SGCG: variants seen among roughly 807,000 people sequenced by gnomAD.
SGCG encodes the protein gamma-sarcoglycan.
A neutral mutation model predicts 29.3 loss-of-function variants in SGCG; 26 were observed. The observed-to-expected ratio is 0.89, with a 90% confidence interval of 0.65 to 1.23. The LOEUF (loss-of-function observed/expected upper bound fraction) is 1.23, where lower values mean the gene tolerates loss of function less well. SGCG is among the 50% of genes most tolerant of loss of function. The probability of loss-of-function intolerance (pLI) is 0.00; values close to 1 mark genes in which losing one functional copy is unlikely to be tolerated. For synonymous variants in SGCG, 145 were observed against 129.7 expected (o/e 1.12, Z -0.80); for missense variants, 353 against 356.0 (o/e 0.99, Z 0.07).
At chr13:23,195,507 T>G (rs1348379290) in intron 1 of SGCG, among the ~76,000 whole-genome samples, 1 of 152,144 alleles carries the variant, frequency 6.6e-6, no homozygotes, top group African/African-American at 2.4e-5. Flanking sequence ...GTTTGTTTGT[T>G]TGTTTTGTTT....
chr13:23,303,906 A>G (rs1882268661), intron 6 of SGCG, among the ~76,000 whole-genome samples: 1 of 141,904 alleles, frequency 7.0e-6, no homozygotes, highest in Admixed American at 7.7e-5. Context: ...TCCTTTCCCC[A>G]TGGCTCCCAA....
At chr13:23,298,609 G>A (rs948806407) in intron 6 of SGCG, among the ~76,000 whole-genome samples, 1 of 152,048 alleles carries the variant, frequency 6.6e-6, no homozygotes, top group Non-Finnish European at 1.5e-5. Flanking sequence ...AATTTTTATA[G>A]AGAAGAAAAA....
intron 1 of SGCG, among the ~76,000 whole-genome samples, chr13:23,187,632 G>A (rs1202846432): frequency 2.6e-5 from 4 of 152,168 alleles, no homozygotes; most frequent in African/African-American, 4.8e-5. Flanking sequence ...CAGGAGAGGT[G>A]CATTAGTGGT....
chr13:23,191,795 C>G (rs1042400370), intron 1 of SGCG, among the ~76,000 whole-genome samples: 9 of 152,104 alleles, frequency 5.9e-5, no homozygotes, highest in African/African-American at 2.2e-4. Context: ...TTTTATATGA[C>G]GTCAAGCCCT....
At chr13:23,294,077 A>G (rs901647055) in intron 5 of SGCG, among the ~76,000 whole-genome samples, 1 of 152,202 alleles carries the variant, frequency 6.6e-6, no homozygotes, top group African/African-American at 2.4e-5. Flanking sequence ...TATTTCCTAA[A>G]GAGGAAAGTG....
intron 4 of SGCG, among the ~76,000 whole-genome samples, chr13:23,266,074 G>A (rs1248101143): frequency 2.6e-5 from 4 of 151,988 alleles, no homozygotes; most frequent in African/African-American, 9.7e-5. Context: ...TCAGGAGTTC[G>A]AGACCAGCCT....
intron 5 of SGCG, among the ~76,000 whole-genome samples, chr13:23,286,504 ATTACAGTTGTT>A (rs879512395): frequency 1.3e-5 from 2 of 152,200 alleles, no homozygotes; most frequent in Non-Finnish European, 2.9e-5. Flanking sequence ...CAATTTAACT[ATTACAGTTGTT>A]CCTCATTATC....
intron 1 of SGCG, among the ~76,000 whole-genome samples, chr13:23,185,255 G>C (rs985397207): frequency 1.3e-5 from 2 of 152,164 alleles, no homozygotes; most frequent in South Asian, 2.1e-4. Flanking sequence ...GCAATGGTGC[G>C]ATCTTGGCTC....
intron 6 of SGCG, among the ~76,000 whole-genome samples, chr13:23,313,445 G>A (rs907011097): frequency 6.6e-6 from 1 of 152,094 alleles, no homozygotes; most frequent in Non-Finnish European, 1.5e-5. Context: ...GATTACAGAC[G>A]TGAGCCACTG....
chr13:23,193,564 TC>T (rs1370943713), intron 1 of SGCG, among the ~76,000 whole-genome samples: 1 of 151,944 alleles, frequency 6.6e-6, no homozygotes, highest in African/African-American at 2.4e-5. Flanking sequence ...TCTGAGATGA[TC>T]AACTGGGAAT....
At chr13:23,161,531 A>G in the SGCG span, among the ~76,000 whole-genome samples, 1 of 152,244 alleles carries the variant, frequency 6.6e-6, no homozygotes, top group Non-Finnish European at 1.5e-5. Context: ...TCAATGTAAT[A>G]TGGGTCTTCC....
chr13:23,186,632 T>TACAG (rs1876984480), intron 1 of SGCG, among the ~76,000 whole-genome samples: 1 of 152,206 alleles, frequency 6.6e-6, no homozygotes, highest in East Asian at 1.9e-4. Flanking sequence ...TGTACAGAAC[T>TACAG]GCATTCTGAA....
At chr13:23,247,093 C>T (rs115568803) in intron 3 of SGCG, 359 of 168,540 alleles carry the variant, frequency 2.1e-3, no homozygotes, top group African/African-American at 8.0e-3. Context: ...GCCCTGCATA[C>T]GGTGCGAGAG....
At chr13:23,168,528 A>G in the SGCG span, among the ~76,000 whole-genome samples, 1 of 152,194 alleles carries the variant, frequency 6.6e-6, no homozygotes, top group Admixed American at 6.5e-5. Flanking sequence ...CCTTTGCCAT[A>G]CAGCTAATTC....
At chr13:23,169,747 C>CGT in the SGCG span, 5 of 145,094 alleles carry the variant, frequency 3.4e-5, no homozygotes, top group African/African-American at 1.3e-4. Context: ...CACACACACA[C>CGT]GCAACTTCTT....
chr13:23,266,120 A>G (rs1039307512), intron 4 of SGCG, among the ~76,000 whole-genome samples: 1 of 152,084 alleles, frequency 6.6e-6, no homozygotes, highest in African/African-American at 2.4e-5. Context: ...TACCAAAAAT[A>G]CAAAAATTAG....
upstream of SGCG, among the ~76,000 whole-genome samples, chr13:23,176,614 CTATG>C (rs5802216): frequency 0.12 from 18,524 of 151,968 alleles, 1,167 homozygotes; most frequent in East Asian, 0.15. Context: ...TGCTTGTAGT[CTATG>C]TGTGTCCTTA....
chr13:23,177,062 TCATTTTGAGAA>T (rs1460648780), upstream of SGCG, among the ~76,000 whole-genome samples: 1 of 152,216 alleles, frequency 6.6e-6, no homozygotes, highest in Non-Finnish European at 1.5e-5. Context: ...GGAAATCCTG[TCATTTTGAGAA>T]CATGGATGAA....
chr13:23,271,325 CCA>C (rs1880869271), intron 4 of SGCG, among the ~76,000 whole-genome samples: 1 of 152,100 alleles, frequency 6.6e-6, no homozygotes. Context: ...CCAGTGGTGT[CCA>C]GTCTTTTGCC....
Sources: gnomAD v4.1 joint callset for allele counts (sites outside exome capture counted in the v4.1 genomes callset) on GRCh38, gnomAD v4.1.1 for gene constraint, MANE v1.5 for transcripts, NCBI Gene and HGNC (gene_info 2026-07-23, HGNC 2026-07-21) for gene names.